Variants in IMMP2L observed in about 807,000 individuals in gnomAD.
The protein encoded by IMMP2L is mitochondrial inner membrane protease subunit 2.
A neutral mutation model predicts 19.3 loss-of-function variants in IMMP2L; 18 were observed. The ratio of observed to expected loss-of-function variants is 0.93; its 90% CI spans 0.64 to 1.38. IMMP2L has a LOEUF of 1.38. Among genes scored for constraint, IMMP2L ranks in the 40% most tolerant of loss-of-function variants. The pLI is 0.00. For missense variants in IMMP2L, 233 were observed against 218.2 expected (o/e 1.07, Z -0.43); for synonymous variants, 76 against 73.0 (o/e 1.04, Z -0.21).
chr7:110,696,496 G>C (rs537038077), intron 5 of IMMP2L, among the ~76,000 whole-genome samples: 1 of 139,606 alleles, frequency 7.2e-6, no homozygotes, highest in Non-Finnish European at 1.5e-5. Context: ...GTACGATCTC[G>C]GCCCACCGCA....
chr7:111,287,495 T>C (rs1365487755), intron 3 of IMMP2L, among the ~76,000 whole-genome samples: 1 of 151,542 alleles, frequency 6.6e-6, no homozygotes, highest in African/African-American at 2.4e-5. Flanking sequence ...ACTAATATCA[T>C]GGATACAGAT....
chr7:111,263,580 G>A (rs950667674), intron 3 of IMMP2L, among the ~76,000 whole-genome samples: 1 of 152,098 alleles, frequency 6.6e-6, no homozygotes, highest in Non-Finnish European at 1.5e-5. Context: ...GGATATATAG[G>A]AAAGAAGTCT....
chr7:110,793,955 G>A (rs1360956065), intron 5 of IMMP2L, among the ~76,000 whole-genome samples: 1 of 152,060 alleles, frequency 6.6e-6, no homozygotes, highest in Non-Finnish European at 1.5e-5. Flanking sequence ...ATGAAAACAA[G>A]TTACCACTAC....
At chr7:111,205,658 A>C (rs1268514486) in intron 3 of IMMP2L, among the ~76,000 whole-genome samples, 3 of 152,140 alleles carry the variant, frequency 2.0e-5, no homozygotes, top group Non-Finnish European at 2.9e-5. Flanking sequence ...TAATAATAAC[A>C]AAAAATATAG....
intron 5 of IMMP2L, among the ~76,000 whole-genome samples, chr7:110,835,877 T>C (rs1428381389): frequency 6.6e-6 from 1 of 152,132 alleles, no homozygotes; most frequent in Non-Finnish European, 1.5e-5. Flanking sequence ...GGGCAGAAAA[T>C]TTTTGACCCA....
intron 3 of IMMP2L, chr7:111,124,740 T>A: frequency 6.2e-7 from 1 of 1,613,952 alleles, no homozygotes; most frequent in Non-Finnish European, 8.5e-7. Flanking sequence ...TGAACTGTGA[T>A]GGTGGACACA....
intron 3 of IMMP2L, among the ~76,000 whole-genome samples, chr7:111,114,688 C>T (rs1251838241): frequency 1.4e-5 from 2 of 145,588 alleles, no homozygotes; most frequent in Non-Finnish European, 3.0e-5. Flanking sequence ...GTGAGTGAGC[C>T]GAGATCGCAC....
At chr7:111,457,954 T>C (rs2131978135) in intron 3 of IMMP2L, among the ~76,000 whole-genome samples, 1 of 150,318 alleles carries the variant, frequency 6.7e-6, no homozygotes, top group South Asian at 2.1e-4. Context: ...CTTGTCTTTG[T>C]ATCAACAAAT....
At chr7:110,999,596 T>G (rs971379724) in intron 3 of IMMP2L, among the ~76,000 whole-genome samples, 1 of 149,552 alleles carries the variant, frequency 6.7e-6, no homozygotes, top group African/African-American at 2.5e-5. Context: ...CTTCTAAATA[T>G]TTTCGATGAA....
At chr7:110,972,054 T>G (rs1283508427) in intron 3 of IMMP2L, among the ~76,000 whole-genome samples, 1 of 152,110 alleles carries the variant, frequency 6.6e-6, no homozygotes, top group Admixed American at 6.6e-5. Context: ...CTAATGCTAT[T>G]GTTTTGCAAA....
intron 4 of IMMP2L, among the ~76,000 whole-genome samples, chr7:110,935,670 A>G (rs1816021485): frequency 6.6e-6 from 1 of 152,134 alleles, no homozygotes; most frequent in East Asian, 1.9e-4. Flanking sequence ...ACTACTGTTG[A>G]CTTTCTTCAC....
In IMMP2L at chr7:111,426,137, A is replaced by G. The variant is rs566805085; in HGVS notation, c.239+61101T>C. ...TATGGACTATCATGTAGGTAACCTT[A>G]TAATACATAAACTTTGTTTTACAGC... On this transcript the variant is annotated intron_variant, in intron 3 of 5. Transcript: ENST00000405709. Among the ~76,000 whole-genome samples, 5 of 151,240 alleles carry G rather than the reference A, an allele frequency of 3.3e-5. No homozygotes were observed. The South Asian group carries it at 1.0e-3, about 31-fold the overall frequency.
intron 3 of IMMP2L, among the ~76,000 whole-genome samples, chr7:111,430,432 CTTCT>C (rs1232048933): frequency 1.3e-5 from 2 of 151,324 alleles, no homozygotes; most frequent in Non-Finnish European, 2.9e-5. Context: ...GCCTTTTAGC[CTTCT>C]TTAACTTCTT....
intron 5 of IMMP2L, among the ~76,000 whole-genome samples, chr7:110,742,059 G>C (rs1408152645): frequency 1.3e-5 from 2 of 152,162 alleles, no homozygotes; most frequent in African/African-American, 4.8e-5. Context: ...TAATGGCAAG[G>C]CTAGACGCTT....
intron 3 of IMMP2L, among the ~76,000 whole-genome samples, chr7:111,367,837 G>T (rs1384011596): frequency 6.6e-6 from 1 of 151,502 alleles, no homozygotes; most frequent in Admixed American, 6.6e-5. Flanking sequence ...GAAAACAGAG[G>T]TAAAATGCCC....
In IMMP2L at chr7:111,546,372, T is replaced by TA. The variant is rs201858257; in HGVS notation, c.-3+15478dup. ...ATTTGTTTCTTTGCCAATTAGGTTT[T>TA]AAAAAAAGGCATCTCATTAGAGTTT... On this transcript the variant is annotated intron_variant, in intron 1 of 5. Transcript: ENST00000405709. Among the ~76,000 whole-genome samples, 917 of 152,176 alleles carry TA rather than the reference T, an allele frequency of 6.0e-3. 5 individuals carry two copies. The highest frequency in any genetic ancestry group is 9.5e-3 in the Non-Finnish European group (647 of 67,956).
At chr7:111,401,879 A>C (rs1056985908) in intron 3 of IMMP2L, among the ~76,000 whole-genome samples, 1 of 152,074 alleles carries the variant, frequency 6.6e-6, no homozygotes, top group African/African-American at 2.4e-5. Context: ...GGTAAATGCA[A>C]GACTGGTGAA....
chr7:110,930,974 A>G (rs2129551698), intron 4 of IMMP2L, among the ~76,000 whole-genome samples: 1 of 152,318 alleles, frequency 6.6e-6, no homozygotes, highest in East Asian at 1.9e-4. Flanking sequence ...TGATCTTAAA[A>G]TACCCCATTC....
At chr7:110,898,910 T>A (rs1811589369) in intron 4 of IMMP2L, among the ~76,000 whole-genome samples, 1 of 152,048 alleles carries the variant, frequency 6.6e-6, no homozygotes, top group Admixed American at 6.6e-5. Context: ...AAACCTGCCT[T>A]TGTGCTCCTA....
Sources: gnomAD v4.1 joint callset for allele counts (sites outside exome capture counted in the v4.1 genomes callset) on GRCh38, gnomAD v4.1.1 for gene constraint, MANE v1.5 for transcripts, NCBI Gene and HGNC (gene_info 2026-07-23, HGNC 2026-07-21) for gene names.